The following COL19A1 variants were observed in gnomAD, a reference collection of about 807,000 sequenced individuals.
COL19A1 encodes collagen type XIX alpha 1 chain.
Under a neutral mutation model 190.2 loss-of-function variants are expected in COL19A1, and 159 were observed. That is an observed-to-expected ratio of 0.84 (90% CI 0.73 to 0.95). The LOEUF is 0.95. COL19A1 is among the 40% of genes least tolerant of loss of function. COL19A1 has a pLI of 0.00. For synonymous variants in COL19A1, 509 were observed against 458.9 expected, an observed-to-expected ratio of 1.11 and a Z score of -1.39; for missense variants, 1,418 against 1,431.9, an observed-to-expected ratio of 0.99 and a Z score of 0.16.
chr6:70,091,359 C>T (rs1782915338), intron 15 of COL19A1, among the ~76,000 whole-genome samples: 1 of 152,140 alleles, frequency 6.6e-6, no homozygotes, highest in Non-Finnish European at 1.5e-5. Context: ...GCATCTATTA[C>T]TATTATTGTC....
intron 11 of COL19A1, among the ~76,000 whole-genome samples, chr6:70,022,349 GA>G (rs3840395): frequency 6.6e-6 from 1 of 151,610 alleles, no homozygotes; most frequent in Middle Eastern, 3.4e-3. Context: ...TTTATCACTA[GA>G]AAAAAAATTT....
At chr6:69,941,917 T>C (rs1773493015) in intron 9 of COL19A1, among the ~76,000 whole-genome samples, 1 of 152,172 alleles carries the variant, frequency 6.6e-6, no homozygotes, top group Admixed American at 6.6e-5. Context: ...CTCGAACTCC[T>C]GACCTCAGGT....
At chr6:69,910,127 C>A (rs1475652252) in intron 4 of COL19A1, among the ~76,000 whole-genome samples, 1 of 152,082 alleles carries the variant, frequency 6.6e-6, no homozygotes, top group East Asian at 1.9e-4. Flanking sequence ...TTTTCACCAG[C>A]ACCTCAAAAA....
chr6:70,098,433 A>T, intron 15 of COL19A1: 1 of 514,402 alleles, frequency 1.9e-6, no homozygotes, highest in South Asian at 1.4e-5. Context: ...TTGGGTTTAG[A>T]TGTTGTTCCT....
intron 12 of COL19A1, among the ~76,000 whole-genome samples, chr6:70,024,347 G>A (rs1778608422): frequency 6.6e-6 from 1 of 152,102 alleles, no homozygotes; most frequent in Non-Finnish European, 1.5e-5. Flanking sequence ...TACTGGTAGG[G>A]GAAGTGTCCA....
chr6:70,006,665 C>T (rs753426082), intron 11 of COL19A1, among the ~76,000 whole-genome samples: 14 of 151,912 alleles, frequency 9.2e-5, no homozygotes, highest in East Asian at 3.9e-4. Flanking sequence ...CATATATTTG[C>T]GTTTGTATAG....
intron 18 of COL19A1, among the ~76,000 whole-genome samples, chr6:70,136,661 AGTGGCTCCCTCTGG>A (rs1212673327): frequency 6.6e-6 from 1 of 152,164 alleles, no homozygotes; most frequent in Non-Finnish European, 1.5e-5. Flanking sequence ...AATTCTTGAG[AGTGGCTCCCTCTGG>A]GTGGAAATAG....
At chr6:69,975,625 C>T (rs1775672929) in intron 11 of COL19A1, among the ~76,000 whole-genome samples, 1 of 152,172 alleles carries the variant, frequency 6.6e-6, no homozygotes. Context: ...CCTGATGTTT[C>T]TGTTTGTTAA....
chr6:69,890,226 C>T (rs1271720020), intron 2 of COL19A1: 1 of 152,204 alleles, frequency 6.6e-6, no homozygotes, highest in Non-Finnish European at 1.5e-5. Flanking sequence ...ACTTCACAGC[C>T]CTCACCTCTC....
intron 1 of COL19A1, among the ~76,000 whole-genome samples, chr6:69,873,450 G>T (rs1231700982): frequency 6.6e-6 from 1 of 152,138 alleles, no homozygotes; most frequent in Non-Finnish European, 1.5e-5. Context: ...TTTTCAAGCT[G>T]CAGATGGACC....
chr6:70,030,618 T>A (rs1010060038), intron 12 of COL19A1, among the ~76,000 whole-genome samples: 1 of 152,238 alleles, frequency 6.6e-6, no homozygotes, highest in African/African-American at 2.4e-5. Flanking sequence ...AAATGGATAC[T>A]CAAGGTTTTT....
At chr6:70,115,535 C>A (rs1181326514) in intron 16 of COL19A1, among the ~76,000 whole-genome samples, 1 of 151,460 alleles carries the variant, frequency 6.6e-6, no homozygotes, top group Non-Finnish European at 1.5e-5. Flanking sequence ...AACCTAACAT[C>A]AAAAAAAATA....
intron 14 of COL19A1, chr6:70,059,718 A>G (rs780604010): frequency 2.1e-6 from 1 of 466,620 alleles, no homozygotes; most frequent in Non-Finnish European, 4.3e-6. Flanking sequence ...TTAAACGGAA[A>G]ATGAATACCT....
intron 11 of COL19A1, among the ~76,000 whole-genome samples, chr6:70,022,092 G>A (rs560457212): frequency 2.7e-4 from 41 of 152,112 alleles, no homozygotes; most frequent in Non-Finnish European, 5.1e-4. Context: ...TTTCTGTAAT[G>A]TATTATCTAT....
intron 46 of COL19A1, among the ~76,000 whole-genome samples, chr6:70,187,372 A>G (rs890845652): frequency 2.6e-5 from 4 of 151,956 alleles, no homozygotes; most frequent in African/African-American, 9.7e-5. Context: ...AATACAGAAA[A>G]CAAACCTGAA....
chr6:70,209,578 G>C lies in COL19A1; in HGVS notation c.*2304G>C, dbSNP rs1768074961. Reference sequence around the variant, plus strand: ...TCTAAATACCATTAAGGCTTGACTGGTTAATTCCTATTTCAAGGATTTGGA... The same window carrying C: ...TCTAAATACCATTAAGGCTTGACTGCTTAATTCCTATTTCAAGGATTTGGA... On this transcript the variant is annotated 3_prime_UTR_variant, in exon 51 of 51. Transcript: ENST00000620364. 1 of 152,120 alleles carries C rather than the reference G, an allele frequency of 6.6e-6. No homozygotes were observed. The highest frequency in any genetic ancestry group is 1.5e-5 in the Non-Finnish European group (1 of 68,020). The allele number at this position is 152,120 out of a possible 1,614,324, so 9.4% of individuals were successfully genotyped here.
At chr6:70,183,208 C>T (rs188755534) in intron 44 of COL19A1, among the ~76,000 whole-genome samples, 7 of 152,162 alleles carry the variant, frequency 4.6e-5, no homozygotes, top group South Asian at 4.1e-4. Flanking sequence ...TTGGAACAAG[C>T]GAGCAAAGAT....
At chr6:70,165,699 G>A (rs184608438) in intron 36 of COL19A1, among the ~76,000 whole-genome samples, 1 of 152,228 alleles carries the variant, frequency 6.6e-6, no homozygotes, top group East Asian at 1.9e-4. Flanking sequence ...AATAAGCTTC[G>A]TTTCTAGAGC....
intron 4 of COL19A1, among the ~76,000 whole-genome samples, chr6:69,909,451 T>A (rs1285872251): frequency 6.6e-6 from 1 of 152,104 alleles, no homozygotes; most frequent in Non-Finnish European, 1.5e-5. Context: ...CAAAATCTCT[T>A]ATATTTGGGA....
Sources: allele counts gnomAD v4.1 joint callset (sites outside exome capture counted in the v4.1 genomes callset), GRCh38; gene constraint gnomAD v4.1.1; transcripts MANE v1.5; gene names NCBI Gene and HGNC (gene_info 2026-07-23, HGNC 2026-07-21).